KHDRBS3: variants seen among roughly 807,000 people sequenced by gnomAD.
The protein encoded by KHDRBS3 is KH RNA binding domain containing, signal transduction associated 3.
A neutral mutation model predicts 45.6 loss-of-function variants in KHDRBS3; 23 were observed. The observed-to-expected ratio is 0.50, with a 90% CI of 0.36 to 0.72. The LOEUF is 0.72. Among genes scored for constraint, KHDRBS3 ranks in the 30% least tolerant of loss-of-function variants. The pLI is 0.00. For synonymous variants in KHDRBS3, 162 were observed against 156.5 expected (o/e 1.04, Z -0.26); for missense variants, 352 against 424.8 (o/e 0.83, Z 1.51).
intron 2 of KHDRBS3, among the ~76,000 whole-genome samples, chr8:135,534,281 C>T (rs1161354183): frequency 6.6e-6 from 1 of 151,822 alleles, no homozygotes; most frequent in Non-Finnish European, 1.5e-5. Context: ...TCCTTGTTGG[C>T]CAGTTAGACC....
chr8:135,521,649 G>A (rs1475807005), intron 2 of KHDRBS3, among the ~76,000 whole-genome samples: 4 of 152,084 alleles, frequency 2.6e-5, no homozygotes, highest in Non-Finnish European at 5.9e-5. Context: ...GAGGTTGGAT[G>A]GTTTAAAATT....
Position 135,581,981 on chromosome 8 carries a change from A to G in KHDRBS3, c.715A>G (p.Arg239Gly), listed in dbSNP as rs1451156207. The G allele has an allele frequency of 7.4e-6, 12 of 1,613,416 alleles. No individual in the cohort carries two copies. The highest frequency in any genetic ancestry group is 1.0e-5 in the Non-Finnish European group (12 of 1,179,734). ...LSTRGPVSRG[R>G]GLLTPRARGV... ...CACCCGAGGGCCAGTGAGTCGGGGA[A>G]GAGGACTTCTCACTCCCAGAGCAAG... Residue 239 changes from arginine (R) to glycine (G), a missense_variant, in exon 6 of 9, where the codon AGA becomes GGA. Arg to Gly is a moderately radical substitution (Grantham distance 125). Around this residue, in one of 6 missense-constraint regions of KHDRBS3, gnomAD observed 212 missense variants for 209.6 expected, o/e 1.01. Coordinates refer to ENST00000355849, the MANE Select transcript of KHDRBS3 (RefSeq NM_006558.3).
intron 1 of KHDRBS3, among the ~76,000 whole-genome samples, chr8:135,473,208 T>C (rs1406730514): frequency 6.6e-6 from 1 of 152,074 alleles, no homozygotes; most frequent in Non-Finnish European, 1.5e-5. Flanking sequence ...TGTCACAGGC[T>C]CCTCCGTCCG....
Position 135,589,828 on chromosome 8 carries a change from G to A in KHDRBS3, c.807+7755G>A, listed in dbSNP as rs114504104. ...GATGGACAACATGACCTTTGTCAAC[G>A]CCAACTAATTCTGTGTCGTGCCATG... On this transcript the variant is annotated intron_variant, in intron 6 of 8. Transcript: ENST00000355849. 9.5e-3 allele frequency among the ~76,000 whole-genome samples: 1,454 copies of A among 152,258 alleles called. 17 individuals are homozygous for A. The highest frequency in any genetic ancestry group is 0.033 in the African/African-American group (1,363 of 41,540).
chr8:135,517,624 A>C (rs1240952284), intron 1 of KHDRBS3, among the ~76,000 whole-genome samples: 4 of 152,368 alleles, frequency 2.6e-5, no homozygotes, highest in African/African-American at 9.6e-5. Flanking sequence ...ATCTGCTAAA[A>C]ACAAGAAAAG....
chr8:135,604,758 GAA>G (rs1829378095), intron 6 of KHDRBS3, among the ~76,000 whole-genome samples: 1 of 151,250 alleles, frequency 6.6e-6, no homozygotes, highest in Non-Finnish European at 1.5e-5. Context: ...CAGATAGAAG[GAA>G]AAGAGTTACA....
chr8:135,588,894 A>G (rs1828613170), intron 6 of KHDRBS3, among the ~76,000 whole-genome samples: 1 of 152,128 alleles, frequency 6.6e-6, no homozygotes, highest in African/African-American at 2.4e-5. Flanking sequence ...GACCAACACA[A>G]AGGGCCTCAT....
At chr8:135,572,744 T>G (rs2130890652) in intron 5 of KHDRBS3, among the ~76,000 whole-genome samples, 1 of 152,350 alleles carries the variant, frequency 6.6e-6, no homozygotes, top group South Asian at 2.1e-4. Flanking sequence ...CTAGAGTTGC[T>G]CAGAGTGAGA....
intron 7 of KHDRBS3, among the ~76,000 whole-genome samples, chr8:135,626,740 C>T (rs1236625945): frequency 7.2e-6 from 1 of 139,240 alleles, no homozygotes; most frequent in Non-Finnish European, 1.5e-5. Flanking sequence ...GGAGGCGGAG[C>T]TTGCAGTGAG....
chr8:135,496,556 T>C (rs893305924), intron 1 of KHDRBS3, among the ~76,000 whole-genome samples: 8 of 109,098 alleles, frequency 7.3e-5, no homozygotes, highest in African/African-American at 2.2e-4. Flanking sequence ...AAACAAGTAA[T>C]AGGGGTTTGA....
At chr8:135,622,891 A>G (rs1830205980) in intron 7 of KHDRBS3, among the ~76,000 whole-genome samples, 1 of 152,176 alleles carries the variant, frequency 6.6e-6, no homozygotes, top group Non-Finnish European at 1.5e-5. Flanking sequence ...TCTTTCCTCA[A>G]AGTTGTATAT....
intron 4 of KHDRBS3, among the ~76,000 whole-genome samples, chr8:135,552,883 A>T (rs914244936): frequency 6.6e-6 from 1 of 152,082 alleles, no homozygotes; most frequent in African/African-American, 2.4e-5. Flanking sequence ...TCCTCCGATG[A>T]TGGAGCTGTG....
At chr8:135,521,186 C>T in intron 1 of KHDRBS3, 51 bp from the exon 2 acceptor site, 1 of 1,070,590 alleles carries the variant, frequency 9.3e-7, no homozygotes, top group East Asian at 2.4e-5. Context: ...GAACACCCAG[C>T]CCCTGCATTT....
At chr8:135,639,293 T>A (rs1281170096) in intron 7 of KHDRBS3, among the ~76,000 whole-genome samples, 3 of 152,132 alleles carry the variant, frequency 2.0e-5, no homozygotes, top group African/African-American at 4.8e-5. Context: ...AGTTGAAGAT[T>A]GAAGTTATTG....
chr8:135,601,792 T>G (rs1829227649), intron 6 of KHDRBS3, among the ~76,000 whole-genome samples: 1 of 152,328 alleles, frequency 6.6e-6, no homozygotes, highest in Admixed American at 6.5e-5. Flanking sequence ...TATACTTTGA[T>G]TCCACTCAAT....
chr8:135,516,703 A>G (rs1201141996), intron 1 of KHDRBS3, among the ~76,000 whole-genome samples: 3 of 151,996 alleles, frequency 2.0e-5, no homozygotes, highest in East Asian at 1.9e-4. Flanking sequence ...GCTCTAGCCT[A>G]CTTACCCAGC....
intron 6 of KHDRBS3, among the ~76,000 whole-genome samples, chr8:135,583,775 G>T (rs1327448004): frequency 6.6e-6 from 1 of 152,092 alleles, no homozygotes; most frequent in African/African-American, 2.4e-5. Context: ...CATGTTGTCT[G>T]TCTCAGCATG....
At chr8:135,584,912 A>T (rs1352232891) in intron 6 of KHDRBS3, among the ~76,000 whole-genome samples, 1 of 152,074 alleles carries the variant, frequency 6.6e-6, no homozygotes, top group Non-Finnish European at 1.5e-5. Context: ...ATGGGAAGTA[A>T]ATTCTTCTTA....
intron 1 of KHDRBS3, among the ~76,000 whole-genome samples, chr8:135,478,249 C>T (rs1822393891): frequency 6.6e-6 from 1 of 152,156 alleles, no homozygotes; most frequent in Admixed American, 6.5e-5. Flanking sequence ...TTCTGGCCTC[C>T]AGAACTGTAA....
Sources: allele counts gnomAD v4.1 joint callset (sites outside exome capture counted in the v4.1 genomes callset), GRCh38; gene constraint gnomAD v4.1.1; regional missense constraint gnomAD v4.1.1; transcripts MANE v1.5; gene names NCBI Gene and HGNC (gene_info 2026-07-23, HGNC 2026-07-21).